The following KANK1 variants were observed in gnomAD, a reference collection of about 807,000 sequenced individuals.
The protein encoded by KANK1 is KN motif and ankyrin repeat domains 1.
A neutral mutation model predicts 106.2 loss-of-function variants in KANK1; 109 were observed. The ratio of observed to expected loss-of-function variants is 1.03; its 90% confidence interval spans 0.88 to 1.20. The LOEUF is 1.20. Among genes scored for constraint, KANK1 ranks in the 50% most tolerant of loss-of-function variants. The pLI is 0.00. For synonymous variants in KANK1, 873 were observed against 652.2 expected (o/e 1.34, Z -5.16); for missense variants, 2,399 against 1,710.7 (o/e 1.40, Z -7.10).
At chr9:472,441 GGACCCAGTTGCT>G (rs57500851) in intron 2 of KANK1, among the ~76,000 whole-genome samples, 12,744 of 152,198 alleles carry the variant, frequency 0.084, 1,830 homozygotes, top group African/African-American at 0.29. Context: ...AGCTCTCTCA[GGACCCAGTTGCT>G]GACCCAGTTG....
intron 1 of KANK1, among the ~76,000 whole-genome samples, chr9:619,977 A>G (rs183751187): frequency 2.6e-5 from 4 of 152,184 alleles, no homozygotes; most frequent in Non-Finnish European, 1.5e-5. Context: ...TGTCTACTAA[A>G]AATAAGAAAA....
chr9:627,962 A>G (rs1002087296), intron 1 of KANK1, among the ~76,000 whole-genome samples: 1 of 152,188 alleles, frequency 6.6e-6, no homozygotes, highest in Non-Finnish European at 1.5e-5. Flanking sequence ...AAAAAAAAAG[A>G]AAAACACAGA....
At chr9:548,355 G>T (rs2061060640) in intron 1 of KANK1, among the ~76,000 whole-genome samples, 1 of 152,136 alleles carries the variant, frequency 6.6e-6, no homozygotes, top group Non-Finnish European at 1.5e-5. Flanking sequence ...CTTCCTGAAG[G>T]TTTGTCAGTG....
chr9:485,869 CA>C (rs58910749), intron 3 of KANK1, among the ~76,000 whole-genome samples: 11,266 of 98,212 alleles, frequency 0.11, 1,337 homozygotes, highest in African/African-American at 0.31. Flanking sequence ...AGAATTGTCT[CA>C]AAAAAAAAAA....
chr9:628,779 G>A (rs1300036868), intron 1 of KANK1, among the ~76,000 whole-genome samples: 3 of 152,024 alleles, frequency 2.0e-5, no homozygotes, highest in Non-Finnish European at 4.4e-5. Flanking sequence ...CCTGATACCT[G>A]TTCAGTTTAC....
chr9:526,030 G>A (rs1260701259), intron 1 of KANK1, among the ~76,000 whole-genome samples: 2 of 151,796 alleles, frequency 1.3e-5, no homozygotes, highest in African/African-American at 4.9e-5. Context: ...AGTTGTGCAT[G>A]CAAACCCACA....
chr9:741,877 C>G (rs1416779079), intron 9 of KANK1, among the ~76,000 whole-genome samples: 1 of 152,066 alleles, frequency 6.6e-6, no homozygotes, highest in Non-Finnish European at 1.5e-5. Flanking sequence ...CCTCAGCCTC[C>G]CAAAGTGCTA....
intron 1 of KANK1, among the ~76,000 whole-genome samples, chr9:647,565 T>C (rs1839952751): frequency 6.6e-6 from 1 of 150,784 alleles, no homozygotes; most frequent in African/African-American, 2.5e-5. Flanking sequence ...CCACTCTTTT[T>C]TAAGTTTCAC....
chr9:736,208 T>G (rs1356424552), intron 7 of KANK1, among the ~76,000 whole-genome samples: 1 of 152,184 alleles, frequency 6.6e-6, no homozygotes, highest in Non-Finnish European at 1.5e-5. Context: ...TCCGCCCATC[T>G]TGGCCTCCCA....
chr9:489,894 C>G (rs956557607), intron 3 of KANK1, among the ~76,000 whole-genome samples: 1 of 152,082 alleles, frequency 6.6e-6, no homozygotes, highest in African/African-American at 2.4e-5. Context: ...TGAATGCTGA[C>G]CTTGTATTAA....
At chr9:684,449 G>A in intron 2 of KANK1, 1 of 985,440 alleles carries the variant, frequency 1.0e-6, no homozygotes, top group Non-Finnish European at 1.2e-6. Flanking sequence ...GAGATTCGCT[G>A]TGTTAAGAAC....
At chr9:607,626 A>G (rs1003616300) in intron 1 of KANK1, among the ~76,000 whole-genome samples, 2 of 151,578 alleles carry the variant, frequency 1.3e-5, no homozygotes, top group Admixed American at 1.3e-4. Flanking sequence ...ATACCTGCAC[A>G]TGTGCCTCAC....
chr9:533,268 C>T (rs1314593291), intron 1 of KANK1, among the ~76,000 whole-genome samples: 1 of 152,098 alleles, frequency 6.6e-6, no homozygotes, highest in Non-Finnish European at 1.5e-5. Flanking sequence ...CACTGTATAT[C>T]GTAGATATTA....
rs1470641346 is a variant in KANK1, at chr9:714,515, A to G, written c.2698+1051A>G. Among the ~76,000 whole-genome samples, 8 of 152,052 alleles carry G rather than the reference A, an allele frequency of 5.3e-5. No homozygotes were observed. In the East Asian group the frequency reaches 1.5e-3, roughly 29 times the overall value. ...GCTGGGACTACAGGTGCCCACCACT[A>G]TGCCCAGCCACTTTTGTATTTTAGT... On this transcript the variant is annotated intron_variant, in intron 3 of 11. Transcript: ENST00000382297.
At chr9:532,183 G>A (rs1176304126) in intron 1 of KANK1, among the ~76,000 whole-genome samples, 1 of 151,534 alleles carries the variant, frequency 6.6e-6, no homozygotes, top group Non-Finnish European at 1.5e-5. Context: ...AGATTTAAAA[G>A]GAGTTTGAGA....
At chr9:742,151 C>T in intron 9 of KANK1, 54 bp from the exon 10 acceptor site, 1 of 1,500,366 alleles carries the variant, frequency 6.7e-7, no homozygotes, top group South Asian at 1.2e-5. Context: ...CACTAGAGGC[C>T]ACCACTGCCA....
chr9:575,820 C>G (rs1030414421), intron 1 of KANK1, among the ~76,000 whole-genome samples: 1 of 152,174 alleles, frequency 6.6e-6, no homozygotes, highest in Non-Finnish European at 1.5e-5. Flanking sequence ...GTCAGGAGTT[C>G]AAGACCAGCC....
At chr9:607,224 G>A (rs1428344301) in intron 1 of KANK1, among the ~76,000 whole-genome samples, 1 of 151,738 alleles carries the variant, frequency 6.6e-6, no homozygotes, top group East Asian at 1.9e-4. Flanking sequence ...AGTGACTTAT[G>A]CCTGTAATCC....
At chr9:555,389 C>T (rs2061521681) in intron 1 of KANK1, among the ~76,000 whole-genome samples, 2 of 152,076 alleles carry the variant, frequency 1.3e-5, no homozygotes, top group South Asian at 4.1e-4. Context: ...TGTGCAGTGT[C>T]AGCTTTGTGA....
Sources: allele counts gnomAD v4.1 joint callset (sites outside exome capture counted in the v4.1 genomes callset), GRCh38; gene constraint gnomAD v4.1.1; transcripts MANE v1.5; gene names NCBI Gene and HGNC (gene_info 2026-07-23, HGNC 2026-07-21).